Variants in HYDIN observed in about 807,000 individuals in gnomAD.
The protein encoded by HYDIN is axonemal central pair apparatus protein HYDIN.
A neutral mutation model predicts 403.9 loss-of-function variants in HYDIN; 132 were observed. The ratio of observed to expected loss-of-function variants is 0.33; its 90% CI spans 0.28 to 0.38. The LOEUF (loss-of-function observed/expected upper bound fraction) is 0.38. Ranked by LOEUF, HYDIN falls within the 10% of genes least tolerant of loss-of-function variation. HYDIN has a pLI of 1.00. For missense variants in HYDIN, 2,827 were observed against 5,009.5 expected, an observed-to-expected ratio of 0.56 and a Z score of 13.15; for synonymous variants, 1,202 against 1,891.7, an observed-to-expected ratio of 0.64 and a Z score of 9.46.
intron 12 of HYDIN, among the ~76,000 whole-genome samples, chr16:71,082,078 T>G (rs898968903): frequency 2.6e-5 from 4 of 150,964 alleles, no homozygotes; most frequent in Non-Finnish European, 4.4e-5. Context: ...TATGCAGTAC[T>G]GAGAAATGAG....
At chr16:71,193,378 T>G (rs1393802271) in intron 1 of HYDIN, among the ~76,000 whole-genome samples, 1 of 152,206 alleles carries the variant, frequency 6.6e-6, no homozygotes, top group Non-Finnish European at 1.5e-5. Flanking sequence ...GTTCAGTATG[T>G]GTGATGTAAT....
chr16:71,085,815 T>A (rs1444126603), intron 12 of HYDIN, among the ~76,000 whole-genome samples: 2 of 152,252 alleles, frequency 1.3e-5, no homozygotes, highest in African/African-American at 4.8e-5. Context: ...TATATTTCCA[T>A]CCTTTTGGTT....
At chr16:71,207,218 C>T in intron 1 of HYDIN, among the ~76,000 whole-genome samples, 1 of 152,176 alleles carries the variant, frequency 6.6e-6, no homozygotes, top group East Asian at 1.9e-4. Context: ...ATCAGACTAA[C>T]AGCATATTTC....
At chr16:70,964,010 A>G (rs1774273) in intron 37 of HYDIN, among the ~76,000 whole-genome samples, 4,094 of 61,858 alleles carry the variant, frequency 0.066, 179 homozygotes, top group African/African-American at 0.13. Context: ...TACATTTCTA[A>G]GATGAGGTTA....
intron 7 of HYDIN, among the ~76,000 whole-genome samples, chr16:71,138,985 G>A (rs181199036): frequency 0.01 from 1,534 of 151,816 alleles, 12 homozygotes; most frequent in South Asian, 0.027. Context: ...TCAGGCAGCT[G>A]AGGCAGGAGA....
intron 3 of HYDIN, among the ~76,000 whole-genome samples, chr16:71,180,633 A>AGAG (rs34245661): frequency 8.6e-4 from 93 of 108,512 alleles, no homozygotes; most frequent in Admixed American, 3.1e-3. Context: ...AAGAAAGAGA[A>AGAG]AAAAAATTTG....
chr16:70,923,497 G>A (rs1297063389), intron 45 of HYDIN, among the ~76,000 whole-genome samples: 1 of 110,200 alleles, frequency 9.1e-6, no homozygotes, highest in Non-Finnish European at 1.9e-5. Flanking sequence ...AAAGAAAGAA[G>A]GATATTATTA....
intron 29 of HYDIN, among the ~76,000 whole-genome samples, chr16:70,980,333 T>C (rs1161873032): frequency 1.3e-5 from 2 of 150,042 alleles, no homozygotes; most frequent in East Asian, 1.9e-4. Context: ...TAAGATCCTA[T>C]CATAAAAAAA....
At chr16:70,917,417 T>C (rs756587110) in intron 47 of HYDIN, among the ~76,000 whole-genome samples, 26 of 152,262 alleles carry the variant, frequency 1.7e-4, no homozygotes, top group Non-Finnish European at 3.2e-4. Flanking sequence ...GCAGGACTTA[T>C]AGGTGAAGTT....
At chr16:70,914,578 C>T (rs1047214620) in intron 47 of HYDIN, among the ~76,000 whole-genome samples, 6 of 132,594 alleles carry the variant, frequency 4.5e-5, no homozygotes, top group East Asian at 2.1e-4. Flanking sequence ...TTCTTTCCTT[C>T]GTCTTAACTT....
At chr16:71,139,981 C>T (rs988905164) in intron 7 of HYDIN, among the ~76,000 whole-genome samples, 3 of 151,946 alleles carry the variant, frequency 2.0e-5, no homozygotes, top group Admixed American at 6.6e-5. Flanking sequence ...AAGAAAAAAT[C>T]CTGAAAGCAG....
At chr16:70,888,872 T>C (rs1333025041) in intron 58 of HYDIN, among the ~76,000 whole-genome samples, 2 of 152,304 alleles carry the variant, frequency 1.3e-5, no homozygotes, top group Non-Finnish European at 2.9e-5. Context: ...AGAACAGTTA[T>C]TATATAGAAG....
intron 3 of HYDIN, among the ~76,000 whole-genome samples, chr16:71,184,114 A>G (rs1285414422): frequency 6.6e-6 from 1 of 152,106 alleles, no homozygotes; most frequent in Non-Finnish European, 1.5e-5. Context: ...AAAGGAAGCA[A>G]TGGTGTAGCA....
At chr16:70,857,558 G>T in intron 72 of HYDIN, 147 bp downstream of exon 72, 2 of 869,286 alleles carry the variant, frequency 2.3e-6, no homozygotes, top group Non-Finnish European at 3.4e-6. Flanking sequence ...TAAATATTTT[G>T]TGGCTTTTTA....
intron 62 of HYDIN, among the ~76,000 whole-genome samples, chr16:70,876,835 G>A (rs2040474560): frequency 6.6e-6 from 1 of 152,098 alleles, no homozygotes. Flanking sequence ...GGGCAAAGAT[G>A]AGTAGAAATA....
At chr16:71,206,932 A>G (rs1378505731) in intron 1 of HYDIN, among the ~76,000 whole-genome samples, 2 of 152,230 alleles carry the variant, frequency 1.3e-5, no homozygotes, top group African/African-American at 4.8e-5. Context: ...TTATGAAAAG[A>G]GACCAAATCT....
intron 1 of HYDIN, chr16:71,204,046 C>CA (rs2088165395): frequency 4.5e-6 from 1 of 223,250 alleles, no homozygotes; most frequent in Non-Finnish European, 9.1e-6. Flanking sequence ...GCCTGGGTGA[C>CA]AGAGTCAGAC....
intron 10 of HYDIN, among the ~76,000 whole-genome samples, chr16:71,102,188 T>G (rs981750831): frequency 2.6e-5 from 4 of 151,938 alleles, no homozygotes; most frequent in Non-Finnish European, 4.4e-5. Context: ...AAATTTTAAA[T>G]GGATAGTTAC....
rs572376827 is a variant in HYDIN at position 70,851,533 on chromosome 16, C to T, written c.12444-878G>A. ...AGTCAAAACCACAATGAGATAACATCTCACACCAGTCAGAATGGCTATGAT... is the reference window on the plus strand; with the variant it reads ...AGTCAAAACCACAATGAGATAACATTTCACACCAGTCAGAATGGCTATGAT... On this transcript the variant is annotated intron_variant, in intron 73 of 85. Transcript: ENST00000393567. Among the ~76,000 whole-genome samples the T allele has an allele frequency of 2.5e-4, 37 of 149,184 alleles. 1 individual carries two copies. In the South Asian group the frequency reaches 7.5e-3, roughly 30 times the overall value.
Sources: allele counts gnomAD v4.1 joint callset (sites outside exome capture counted in the v4.1 genomes callset), GRCh38; gene constraint gnomAD v4.1.1; transcripts MANE v1.5; gene names NCBI Gene and HGNC (gene_info 2026-07-23, HGNC 2026-07-21).